Variants in ZNF33B observed in about 807,000 individuals in gnomAD.
ZNF33B encodes zinc finger protein 11b (KOX 2).
Under a neutral mutation model 45.8 loss-of-function variants are expected in ZNF33B, and 29 were observed. The observed-to-expected ratio is 0.63, with a 90% CI of 0.47 to 0.86. ZNF33B has a LOEUF of 0.86. Ranked by LOEUF, ZNF33B falls within the 40% of genes least tolerant of loss-of-function variation. ZNF33B has a pLI of 0.00. For synonymous variants in ZNF33B, 305 were observed against 307.8 expected, an observed-to-expected ratio of 0.99 and a Z score of 0.10; for missense variants, 831 against 909.9, an observed-to-expected ratio of 0.91 and a Z score of 1.12.
rs2132023891 is a variant in ZNF33B, at chr10:42,589,164, T to C, written c.*3449A>G. 1 of 195,138 alleles carries C rather than the reference T, an allele frequency of 5.1e-6. No homozygotes were observed. 12.1% of individuals were successfully genotyped at this position (195,138 alleles called of 1,614,324 possible). ...AATACACTTCATTTTTTAGAGCAGC[T>C]TTAGGGTTACAGAAAAATTGAGCAA... On this transcript the variant is annotated 3_prime_UTR_variant, in exon 5 of 5. Coordinates refer to ENST00000359467, the MANE Select transcript of ZNF33B (RefSeq NM_006955.3).
At chr10:42,619,315 A>G (rs1316099107) in intron 4 of ZNF33B, among the ~76,000 whole-genome samples, 1 of 152,194 alleles carries the variant, frequency 6.6e-6, no homozygotes, top group South Asian at 2.1e-4. Context: ...GCAGAAATCA[A>G]TTGAAGGCCT....
intron 1 of ZNF33B, 51 bp downstream of exon 1, chr10:42,638,423 G>A (rs764716047): frequency 2.0e-4 from 70 of 352,238 alleles, no homozygotes; most frequent in Non-Finnish European, 3.4e-4. Flanking sequence ...GCCTGCTCCT[G>A]GAGTCGCGCG....
At chr10:42,619,728 G>A (rs190203953) in intron 4 of ZNF33B, among the ~76,000 whole-genome samples, 2 of 152,264 alleles carry the variant, frequency 1.3e-5, no homozygotes, top group East Asian at 3.9e-4. Context: ...CAACATAAAG[G>A]GGATGAGTAA....
chr10:42,608,732 GAGCAGCAATACAAACTCAA>G (rs1006597798), intron 4 of ZNF33B, among the ~76,000 whole-genome samples: 2 of 151,858 alleles, frequency 1.3e-5, no homozygotes, highest in African/African-American at 4.8e-5. Context: ...CACTGGACAG[GAGCAGCAATACAAACTCAA>G]AGCAAGAAGA....
chr10:42,621,640 T>C (rs1838597593), intron 4 of ZNF33B, among the ~76,000 whole-genome samples: 1 of 152,082 alleles, frequency 6.6e-6, no homozygotes, highest in Admixed American at 6.6e-5. Context: ...TAAAGGCAGT[T>C]GACAAAATCC....
At chr10:42,588,307 C>T (rs1191410559), downstream of ZNF33B, among the ~76,000 whole-genome samples, 1 of 152,204 alleles carries the variant, frequency 6.6e-6, no homozygotes, top group Non-Finnish European at 1.5e-5. Context: ...ACTCACCTCC[C>T]CTAAGAAAAG....
At chr10:42,605,035 G>A (rs1837780482) in intron 4 of ZNF33B, 1 of 151,558 alleles carries the variant, frequency 6.6e-6, no homozygotes, top group South Asian at 2.1e-4. Context: ...TAAGAGTGAG[G>A]AAAAATGAAG....
chr10:42,618,769 T>A (rs1373553856), intron 4 of ZNF33B, among the ~76,000 whole-genome samples: 1 of 152,160 alleles, frequency 6.6e-6, no homozygotes, highest in Non-Finnish European at 1.5e-5. Context: ...CTTCAAAAAA[T>A]TTTTCTTTCC....
intron 4 of ZNF33B, among the ~76,000 whole-genome samples, chr10:42,598,632 C>G (rs1187013615): frequency 6.6e-6 from 1 of 152,192 alleles, no homozygotes; most frequent in East Asian, 1.9e-4. Flanking sequence ...TCCCTTCTTA[C>G]AAGAGTGTAG....
rs533337667 is a variant in ZNF33B at position 42,631,826 on chromosome 10, G to A, written c.250+103C>T. On this transcript the variant is annotated intron_variant, in intron 4 of 4. Transcript: ENST00000359467. ...CACTTCCAGAGGTTAGGACCCCTAT[G>A]GAGATGTTCTTGAAAAATGTTCCAA... The A allele has an allele frequency of 4.3e-6, 4 of 929,034 alleles. No homozygotes were observed. In the African/African-American group the frequency reaches 4.9e-5, roughly 11 times the overall value. 57.5% of individuals were successfully genotyped at this position (929,034 alleles called of 1,614,324 possible).
At chr10:42,597,503 AAT>A (rs1322837743) in intron 4 of ZNF33B, among the ~76,000 whole-genome samples, 1 of 152,106 alleles carries the variant, frequency 6.6e-6, no homozygotes, top group Non-Finnish European at 1.5e-5. Flanking sequence ...TCTTTTTGCA[AAT>A]TCATTTATTA....
intron 4 of ZNF33B, among the ~76,000 whole-genome samples, chr10:42,614,555 G>T (rs1387263235): frequency 1.3e-5 from 2 of 152,288 alleles, no homozygotes; most frequent in African/African-American, 4.8e-5. Context: ...TGGGTTAATG[G>T]CAATTCTCTC....
chr10:42,577,677 T>A (rs1404153386), intron 1 of ZNF33B, among the ~76,000 whole-genome samples: 1 of 152,216 alleles, frequency 6.6e-6, no homozygotes, highest in East Asian at 1.9e-4. Context: ...GACTGCTTAC[T>A]ATGTGCTGAT....
At chr10:42,609,037 A>G (rs1352216936) in intron 4 of ZNF33B, among the ~76,000 whole-genome samples, 1 of 152,218 alleles carries the variant, frequency 6.6e-6, no homozygotes, top group African/African-American at 2.4e-5. Flanking sequence ...CCATAAAACA[A>G]AAACGACTAA....
At chr10:42,631,187 A>C (rs1462929145) in intron 4 of ZNF33B, among the ~76,000 whole-genome samples, 1 of 151,976 alleles carries the variant, frequency 6.6e-6, no homozygotes, top group Non-Finnish European at 1.5e-5. Context: ...TTAGAGACAT[A>C]ATTTTGTTTT....
intron 4 of ZNF33B, among the ~76,000 whole-genome samples, chr10:42,616,345 C>G (rs1655392262): frequency 6.6e-6 from 1 of 152,156 alleles, no homozygotes; most frequent in African/African-American, 2.4e-5. Context: ...AATTATATCT[C>G]ATATAATTCT....
At chr10:42,604,011 T>C (rs1234785036) in intron 4 of ZNF33B, among the ~76,000 whole-genome samples, 1 of 152,196 alleles carries the variant, frequency 6.6e-6, no homozygotes, top group Non-Finnish European at 1.5e-5. Context: ...CTCTACAATG[T>C]CTATTCTTCA....
At chr10:42,574,862 A>G (rs1215144804) in intron 1 of ZNF33B, among the ~76,000 whole-genome samples, 1 of 152,166 alleles carries the variant, frequency 6.6e-6, no homozygotes, top group Non-Finnish European at 1.5e-5. Context: ...TGCCACATTT[A>G]TCTTTCAAAT....
intron 1 of ZNF33B, among the ~76,000 whole-genome samples, chr10:42,578,339 G>GTATCTGGA (rs1244260257): frequency 6.6e-6 from 1 of 152,202 alleles, no homozygotes; most frequent in Non-Finnish European, 1.5e-5. Flanking sequence ...CAGCACTGGG[G>GTATCTGGA]TATCTGGACA....
Sources: gnomAD v4.1 joint callset for allele counts (sites outside exome capture counted in the v4.1 genomes callset) on GRCh38, gnomAD v4.1.1 for gene constraint, MANE v1.5 for transcripts, NCBI Gene and HGNC (gene_info 2026-07-23, HGNC 2026-07-21) for gene names.